FRMD4B: variants seen among roughly 807,000 people sequenced by gnomAD.
The protein encoded by FRMD4B is FERM domain-containing protein 4B.
Under a neutral mutation model 141.5 loss-of-function variants are expected in FRMD4B, and 74 were observed. That is an observed-to-expected ratio of 0.52 (90% confidence interval 0.43 to 0.63). The LOEUF is 0.63. FRMD4B is among the 30% of genes least tolerant of loss of function. FRMD4B has a pLI of 0.00. For missense variants in FRMD4B, 1,366 were observed against 1,253.4 expected, an observed-to-expected ratio of 1.09 and a Z score of -1.36; for synonymous variants, 506 against 467.9, an observed-to-expected ratio of 1.08 and a Z score of -1.05.
chr3:69,263,403 T>TTTC (rs1291152613), intron 5 of FRMD4B, among the ~76,000 whole-genome samples: 2 of 128,534 alleles, frequency 1.6e-5, no homozygotes, highest in African/African-American at 5.7e-5. Context: ...GCACTTTTTT[T>TTTC]TTTTTTTTTT....
At position 69,322,381 on chromosome 3, in the gene FRMD4B, T is replaced by G. The variant is rs1043561715; in HGVS notation, c.163-8864A>C. 2.0e-5 allele frequency among the ~76,000 whole-genome samples: 3 copies of G among 152,090 alleles called. No individual in the cohort carries two copies. In the East Asian group the frequency reaches 5.8e-4, roughly 29 times the overall value. ...TGTCTCCAAATGGAGTCAGCTGTGA[T>G]TTTCCCTCAAGTTCTTTCAAGACAG... On this transcript the variant is annotated intron_variant, in intron 1 of 22. Transcript: ENST00000398540.
At chr3:69,335,478 T>C (rs1013110445) in intron 1 of FRMD4B, among the ~76,000 whole-genome samples, 1 of 151,550 alleles carries the variant, frequency 6.6e-6, no homozygotes, top group Non-Finnish European at 1.5e-5. Context: ...TTCAAGCAAT[T>C]CTCCTGCTTC....
chr3:69,265,431 TGGCAC>T (rs1364780364), intron 5 of FRMD4B, among the ~76,000 whole-genome samples: 1 of 144,530 alleles, frequency 6.9e-6, no homozygotes, highest in Non-Finnish European at 1.5e-5. Flanking sequence ...GATGGCTAGG[TGGCAC>T]ATTTATTTGT....
intron 1 of FRMD4B, among the ~76,000 whole-genome samples, chr3:69,490,831 T>A (rs927844629): frequency 1.3e-5 from 2 of 152,086 alleles, no homozygotes; most frequent in African/African-American, 4.8e-5. Flanking sequence ...TTAGGGTGAA[T>A]GAAGCACACG....
chr3:69,485,811 C>G (rs1706205881), intron 1 of FRMD4B, among the ~76,000 whole-genome samples: 1 of 152,248 alleles, frequency 6.6e-6, no homozygotes, highest in Admixed American at 6.5e-5. Flanking sequence ...TCATGGTGGC[C>G]CCCAAGGCAG....
intron 1 of FRMD4B, among the ~76,000 whole-genome samples, chr3:69,540,030 T>TA (rs915363527): frequency 2.8e-4 from 43 of 151,936 alleles, no homozygotes; most frequent in African/African-American, 9.9e-4. Flanking sequence ...CGGTCTCTAC[T>TA]AAAAATACAA....
intron 1 of FRMD4B, among the ~76,000 whole-genome samples, chr3:69,322,310 G>A (rs1481941457): frequency 6.6e-6 from 1 of 152,144 alleles, no homozygotes; most frequent in Non-Finnish European, 1.5e-5. Flanking sequence ...GACTGAATAT[G>A]AGCTATTGAC....
At chr3:69,272,784 C>A (rs1412762606) in intron 5 of FRMD4B, among the ~76,000 whole-genome samples, 1 of 152,184 alleles carries the variant, frequency 6.6e-6, no homozygotes, top group Non-Finnish European at 1.5e-5. Flanking sequence ...AGATATGCTT[C>A]ATGTTCTGTT....
At chr3:69,246,815 C>T (rs138777871) in intron 7 of FRMD4B, among the ~76,000 whole-genome samples, 2 of 152,226 alleles carry the variant, frequency 1.3e-5, no homozygotes, top group Admixed American at 1.3e-4. Context: ...CCACCAGGAA[C>T]AAGCTCGAGT....
At chr3:69,299,137 G>A (rs773533203) in intron 4 of FRMD4B, among the ~76,000 whole-genome samples, 4 of 152,026 alleles carry the variant, frequency 2.6e-5, no homozygotes, top group East Asian at 1.9e-4. Flanking sequence ...AGAACACAAC[G>A]TAGCAAAACT....
At chr3:69,421,535 C>A (rs1704978757) in intron 2 of FRMD4B, among the ~76,000 whole-genome samples, 2 of 152,198 alleles carry the variant, frequency 1.3e-5, no homozygotes, top group South Asian at 4.1e-4. Flanking sequence ...TACATAAAGT[C>A]TCCCAATCTT....
At chr3:69,456,325 A>G (rs1032550062) in intron 1 of FRMD4B, among the ~76,000 whole-genome samples, 1 of 152,242 alleles carries the variant, frequency 6.6e-6, no homozygotes, top group Non-Finnish European at 1.5e-5. Context: ...GATCATGCTT[A>G]GCAAAAGACT....
chr3:69,488,188 T>C (rs28673188), intron 1 of FRMD4B, among the ~76,000 whole-genome samples: 1 of 152,226 alleles, frequency 6.6e-6, no homozygotes, highest in Non-Finnish European at 1.5e-5. Flanking sequence ...TGGAGCCCTG[T>C]TAAGGATCTG....
chr3:69,351,651 A>G (rs1703154079), intron 1 of FRMD4B, among the ~76,000 whole-genome samples: 1 of 152,324 alleles, frequency 6.6e-6, no homozygotes, highest in East Asian at 1.9e-4. Flanking sequence ...AAATTCAGAG[A>G]TGCTGGAAAT....
chr3:69,470,194 C>T (rs1705864133), intron 1 of FRMD4B, among the ~76,000 whole-genome samples: 1 of 152,146 alleles, frequency 6.6e-6, no homozygotes, highest in African/African-American at 2.4e-5. Flanking sequence ...ATTGAGAAGG[C>T]ACCACAGTGC....
chr3:69,276,830 C>T (rs938085620), intron 5 of FRMD4B, among the ~76,000 whole-genome samples: 23 of 152,172 alleles, frequency 1.5e-4, no homozygotes, highest in Middle Eastern at 3.4e-3. Flanking sequence ...CCGGGCATGG[C>T]GGCACGTGCC....
chr3:69,385,966 G>A lies in FRMD4B; in HGVS notation c.24C>T (p.Gly8=). The A allele has an allele frequency of 6.2e-7, 1 of 1,603,592 alleles. No homozygotes were observed. The highest frequency in any genetic ancestry group is 8.5e-7 in the Non-Finnish European group (1 of 1,175,230). The change falls in exon 1 of 23, where the codon GGC becomes GGT. Residue 8 remains glycine, a synonymous_variant. Transcript: ENST00000398540. ...TGCCGCTGAACAGCAGGTCCTCCACGCCACACATGAACACCGAAGCCATGC... is the reference window on the plus strand; with the variant it reads ...TGCCGCTGAACAGCAGGTCCTCCACACCACACATGAACACCGAAGCCATGC... MASVFMC[G]VEDLLFSGSR... is the part of the protein sequence containing the mutation.
intron 5 of FRMD4B, among the ~76,000 whole-genome samples, chr3:69,275,564 C>G (rs1475720424): frequency 6.6e-6 from 1 of 151,724 alleles, no homozygotes; most frequent in African/African-American, 2.4e-5. Context: ...CTTGCCATTC[C>G]AAGTAGCTAG....
At chr3:69,180,805 G>A (rs1575583621) in intron 21 of FRMD4B, 94 bp downstream of exon 21, 2 of 825,714 alleles carry the variant, frequency 2.4e-6, no homozygotes, top group South Asian at 3.4e-5. Flanking sequence ...TTGACCCTGA[G>A]TACTGGTCTC....
Sources: gnomAD v4.1 joint callset for allele counts (sites outside exome capture counted in the v4.1 genomes callset) on GRCh38, gnomAD v4.1.1 for gene constraint, MANE v1.5 for transcripts, NCBI Gene and HGNC (gene_info 2026-07-23, HGNC 2026-07-21) for gene names.